Variants in MLLT3 observed in about 807,000 individuals in gnomAD.
The protein encoded by MLLT3 is protein AF-9.
In MLLT3, 4 loss-of-function variants were observed where a neutral mutation model predicts 53.2. That is an observed-to-expected ratio of 0.08 (90% CI 0.04 to 0.17). The LOEUF is 0.17. MLLT3 is among the 10% of genes least tolerant of loss of function. The pLI is 1.00. For missense variants in MLLT3, 569 were observed against 684.0 expected (o/e 0.83, Z 1.87); for synonymous variants, 283 against 230.6 (o/e 1.23, Z -2.06).
At chr9:20,563,478 G>A (rs1228151339) in intron 2 of MLLT3, among the ~76,000 whole-genome samples, 2 of 151,962 alleles carry the variant, frequency 1.3e-5, no homozygotes, top group Non-Finnish European at 2.9e-5. Context: ...AGACAAACCA[G>A]GCTAAATACA....
rs572127662 is a variant in MLLT3 at position 20,522,911 on chromosome 9, G to A, written c.194-66125C>T. Reference sequence around the variant, plus strand: ...AAGGAAGTCGAGGCTTCAGTGAGACGTGATTGTGCCACTGCACTCCAGCCT... The same window carrying A: ...AAGGAAGTCGAGGCTTCAGTGAGACATGATTGTGCCACTGCACTCCAGCCT... On this transcript the variant is annotated intron_variant, in intron 2 of 10. Transcript: ENST00000380338. Among the ~76,000 whole-genome samples the A allele has an allele frequency of 1.3e-4, 20 of 152,080 alleles. No homozygotes were observed. In the South Asian group the frequency reaches 3.5e-3, roughly 27 times the overall value.
At position 20,567,538 on chromosome 9, in the gene MLLT3, C is replaced by G. The variant is rs148525139; in HGVS notation, c.193+53116G>C. 4.5e-3 allele frequency among the ~76,000 whole-genome samples: 681 copies of G among 152,128 alleles called. 6 individuals carry two copies. The highest frequency in any genetic ancestry group is 0.016 in the African/African-American group (661 of 41,520). On this transcript the variant is annotated intron_variant, in intron 2 of 10. Transcript: ENST00000380338. The stretch of plus-strand genomic sequence containing the variant: ...TCTTCAGATTTGAACATTGAAATTT[C>G]ATTTAATTTGGCTTATCATCACAGT...
chr9:20,562,290 A>C (rs1042494995), intron 2 of MLLT3, among the ~76,000 whole-genome samples: 1 of 152,106 alleles, frequency 6.6e-6, no homozygotes, highest in Non-Finnish European at 1.5e-5. Context: ...GTAATTAAAA[A>C]TGCGGTTGAA....
At position 20,432,257 on chromosome 9, in the gene MLLT3, A is replaced by G. The variant is rs565689736; in HGVS notation, c.420+15866T>C. ...AGAATAGGCAATCAAGTATGTGCTC[A>G]GTGAATAAATGCTTGAATAATTTTA... On this transcript the variant is annotated intron_variant, in intron 4 of 10. Transcript: ENST00000380338. Among the ~76,000 whole-genome samples, 5 of 152,352 alleles carry G rather than the reference A, an allele frequency of 3.3e-5. No homozygotes were observed. In the East Asian group the frequency reaches 7.7e-4, roughly 23 times the overall value.
chr9:20,441,606 C>T (rs914040261), intron 4 of MLLT3, among the ~76,000 whole-genome samples: 5 of 152,088 alleles, frequency 3.3e-5, no homozygotes, highest in African/African-American at 7.2e-5. Flanking sequence ...CTTCGTCTTA[C>T]ATTTATTTAA....
Position 20,614,013 on chromosome 9 carries a change from A to G in MLLT3, c.193+6641T>C, listed in dbSNP as rs182380475. Among the ~76,000 whole-genome samples the G allele has an allele frequency of 2.9e-3, 440 of 152,330 alleles. 3 individuals carry two copies. The highest frequency in any genetic ancestry group is 0.01 in the African/African-American group (417 of 41,568). On this transcript the variant is annotated intron_variant, in intron 2 of 10. Coordinates refer to ENST00000380338, the MANE Select transcript of MLLT3 (RefSeq NM_004529.4). The stretch of plus-strand genomic sequence containing the variant: ...AAAGAAGTATAATAAATCCATATAC[A>G]ATGTCATACCAGAAAAATCCAACAA...
At chr9:20,552,195 GT>G (rs915346568) in intron 2 of MLLT3, among the ~76,000 whole-genome samples, 3 of 152,194 alleles carry the variant, frequency 2.0e-5, no homozygotes, top group Admixed American at 2.0e-4. Flanking sequence ...ATTACTTGGA[GT>G]CTTGTTTGCA....
At chr9:20,521,695 G>A (rs1352423808) in intron 2 of MLLT3, among the ~76,000 whole-genome samples, 1 of 152,086 alleles carries the variant, frequency 6.6e-6, no homozygotes, top group Non-Finnish European at 1.5e-5. Flanking sequence ...GTGTTCTCAA[G>A]TAATGCATGA....
At chr9:20,587,699 T>C (rs1201008330) in intron 2 of MLLT3, among the ~76,000 whole-genome samples, 1 of 152,208 alleles carries the variant, frequency 6.6e-6, no homozygotes, top group Non-Finnish European at 1.5e-5. Context: ...TTTGTTTTTT[T>C]CTTGTAAATT....
rs370113286 is a variant in MLLT3, at chr9:20,536,075, G to A, written c.194-79289C>T. Among the ~76,000 whole-genome samples the A allele has an allele frequency of 3.9e-5, 6 of 152,080 alleles. No individual in the cohort carries two copies. The South Asian group carries it at 1.2e-3, about 32-fold the overall frequency. On this transcript the variant is annotated intron_variant, in intron 2 of 10. Transcript: ENST00000380338. Reference sequence around the variant, plus strand: ...TTTTTTTCTTAATGTAGTCAAGCAGGCAAAGAGCCAATCAATCCATTAGAA... The same window carrying A: ...TTTTTTTCTTAATGTAGTCAAGCAGACAAAGAGCCAATCAATCCATTAGAA...
chr9:20,503,580 C>T (rs1825302579), intron 2 of MLLT3, among the ~76,000 whole-genome samples: 1 of 152,022 alleles, frequency 6.6e-6, no homozygotes, highest in Non-Finnish European at 1.5e-5. Flanking sequence ...AACCTTGAAA[C>T]CATAAAAATA....
At chr9:20,584,818 C>G (rs1819907933) in intron 2 of MLLT3, among the ~76,000 whole-genome samples, 1 of 152,196 alleles carries the variant, frequency 6.6e-6, no homozygotes, top group South Asian at 2.1e-4. Context: ...ATTTAAGGTT[C>G]TTCCATGTCT....
At chr9:20,488,151 A>T (rs1663849073) in intron 2 of MLLT3, among the ~76,000 whole-genome samples, 1 of 152,132 alleles carries the variant, frequency 6.6e-6, no homozygotes, top group Non-Finnish European at 1.5e-5. Context: ...CAAATTAATT[A>T]AGTCACATTA....
chr9:20,501,489 C>T lies in MLLT3; in HGVS notation c.194-44703G>A, dbSNP rs555608001. Among the ~76,000 whole-genome samples, 9 of 152,208 alleles carry T rather than the reference C, an allele frequency of 5.9e-5. No individual in the cohort carries two copies. The East Asian group carries it at 1.6e-3, about 26-fold the overall frequency. The stretch of plus-strand genomic sequence containing the variant: ...ACACCCGGCCGGGCACGGTGGCTCA[C>T]GCCTGTAATCCCAGCATTTTGGGAG... On this transcript the variant is annotated intron_variant, in intron 2 of 10. Coordinates refer to ENST00000380338, the MANE Select transcript of MLLT3 (RefSeq NM_004529.4).
chr9:20,478,376 A>T (rs2118900601), intron 2 of MLLT3, among the ~76,000 whole-genome samples: 1 of 152,258 alleles, frequency 6.6e-6, no homozygotes, highest in East Asian at 1.9e-4. Flanking sequence ...ACTGTCCCTC[A>T]GTGACTAAAA....
At chr9:20,420,098 G>A (rs1822970766) in intron 4 of MLLT3, among the ~76,000 whole-genome samples, 1 of 152,054 alleles carries the variant, frequency 6.6e-6, no homozygotes, top group African/African-American at 2.4e-5. Context: ...CAATTAGAAA[G>A]GAAGGTGGTC....
chr9:20,594,067 A>G (rs1477617450), intron 2 of MLLT3, among the ~76,000 whole-genome samples: 2 of 151,362 alleles, frequency 1.3e-5, no homozygotes, highest in African/African-American at 4.9e-5. Context: ...CAGCCTCCCA[A>G]TTAGCTGGGA....
Position 20,489,969 on chromosome 9 carries a change from G to C in MLLT3, c.194-33183C>G, listed in dbSNP as rs185722784. ...CATTCAAGCTAACAACCAATGGCAA[G>C]TACTCAAATAAATACATGGCAAACT... On this transcript the variant is annotated intron_variant, in intron 2 of 10. Transcript: ENST00000380338. Among the ~76,000 whole-genome samples the C allele has an allele frequency of 5.1e-4, 77 of 152,244 alleles. 1 individual carries two copies. The highest frequency in any genetic ancestry group is 1.7e-3 in the African/African-American group (71 of 41,550).
At chr9:20,362,026 A>C (rs1821335849) in intron 7 of MLLT3, among the ~76,000 whole-genome samples, 2 of 152,254 alleles carry the variant, frequency 1.3e-5, no homozygotes, top group South Asian at 2.1e-4. Flanking sequence ...TGAAGTGTTC[A>C]GTTGAAGTGC....
Sources: gnomAD v4.1 joint callset for allele counts (sites outside exome capture counted in the v4.1 genomes callset) on GRCh38, gnomAD v4.1.1 for gene constraint, MANE v1.5 for transcripts, NCBI Gene and HGNC (gene_info 2026-07-23, HGNC 2026-07-21) for gene names.